Variants in GALNTL6 observed in about 807,000 individuals in gnomAD.
The protein encoded by GALNTL6 is polypeptide N-acetylgalactosaminyltransferase like 6.
In GALNTL6, 46 loss-of-function variants were observed where a neutral mutation model predicts 73.7. The ratio of observed to expected loss-of-function variants is 0.62; its 90% CI spans 0.49 to 0.80. GALNTL6 has a LOEUF of 0.80. Ranked by LOEUF, GALNTL6 falls within the 30% of genes least tolerant of loss-of-function variation. The pLI, the probability that GALNTL6 is intolerant of heterozygous loss-of-function variation, is 0.00. For synonymous variants in GALNTL6, 259 were observed against 263.7 expected (o/e 0.98, Z 0.17); for missense variants, 604 against 755.0 (o/e 0.80, Z 2.34).
rs563121190 is a variant in GALNTL6 at position 171,860,929 on chromosome 4, A to C, written c.138+46211A>C. On this transcript the variant is annotated intron_variant, in intron 2 of 12. Coordinates refer to ENST00000506823, the MANE Select transcript of GALNTL6 (RefSeq NM_001034845.3). ...TTCCAAAGTCTTCCAGAATAGAACA[A>C]CCTCTGATACCTCCTCCATTCAGCA... 5.3e-5 allele frequency among the ~76,000 whole-genome samples: 8 copies of C among 152,214 alleles called. No homozygotes were observed. The South Asian group carries it at 1.7e-3, about 32-fold the overall frequency.
rs75059893 is a variant in GALNTL6 at position 172,055,779 on chromosome 4, G to A, written c.139-173877G>A. ...TAGCTTTGACAACTTCTGAGTTAAC[G>A]TGGGCCAGTTATCAGGGTACTTCTT... On this transcript the variant is annotated intron_variant, in intron 2 of 12. Transcript: ENST00000506823. 1.7e-3 allele frequency among the ~76,000 whole-genome samples: 259 copies of A among 152,212 alleles called. 1 individual carries two copies. Among genetic ancestry groups the A allele is most frequent in the African/African-American group, 6.0e-3 (251 of 41,548 alleles).
intron 5 of GALNTL6, among the ~76,000 whole-genome samples, chr4:172,628,312 G>A (rs990486646): frequency 3.9e-5 from 6 of 151,952 alleles, no homozygotes; most frequent in African/African-American, 1.5e-4. Context: ...AATCTTTTTC[G>A]AAATGAGAAA....
At chr4:172,159,972 G>C (rs1734401357) in intron 2 of GALNTL6, among the ~76,000 whole-genome samples, 1 of 152,092 alleles carries the variant, frequency 6.6e-6, no homozygotes, top group Non-Finnish European at 1.5e-5. Flanking sequence ...CTTTGTGATG[G>C]ACTGGAGTTG....
At chr4:172,814,345 A>G (rs1741480833) in intron 7 of GALNTL6, among the ~76,000 whole-genome samples, 2 of 152,270 alleles carry the variant, frequency 1.3e-5, no homozygotes, top group South Asian at 4.1e-4. Context: ...ACCAAACGAC[A>G]TCCTGTTTTT....
intron 5 of GALNTL6, among the ~76,000 whole-genome samples, chr4:172,629,359 T>A (rs1337206305): frequency 6.6e-6 from 1 of 152,180 alleles, no homozygotes; most frequent in East Asian, 1.9e-4. Flanking sequence ...AGAACAAATT[T>A]TGTTAGTCTT....
chr4:171,850,368 T>C (rs887712100), intron 2 of GALNTL6, among the ~76,000 whole-genome samples: 1 of 152,184 alleles, frequency 6.6e-6, no homozygotes, highest in African/African-American at 2.4e-5. Context: ...TGGTCAGCGA[T>C]CTTAGGAGGA....
At chr4:172,740,045 C>G (rs1231846359) in intron 5 of GALNTL6, among the ~76,000 whole-genome samples, 2 of 151,936 alleles carry the variant, frequency 1.3e-5, no homozygotes, top group Non-Finnish European at 2.9e-5. Flanking sequence ...TCAAAACCCT[C>G]CTGGATCCAG....
intron 2 of GALNTL6, among the ~76,000 whole-genome samples, chr4:172,191,351 T>G (rs962903051): frequency 2.6e-5 from 4 of 152,300 alleles, no homozygotes; most frequent in African/African-American, 9.6e-5. Flanking sequence ...GTTCACATAA[T>G]TAAATATATC....
At chr4:172,502,982 C>T (rs777826150) in intron 5 of GALNTL6, among the ~76,000 whole-genome samples, 1 of 152,096 alleles carries the variant, frequency 6.6e-6, no homozygotes, top group African/African-American at 2.4e-5. Flanking sequence ...ACAGAAATCT[C>T]GGATAACGTT....
At chr4:172,006,719 G>C (rs947401904) in intron 2 of GALNTL6, among the ~76,000 whole-genome samples, 1 of 152,198 alleles carries the variant, frequency 6.6e-6, no homozygotes, top group East Asian at 1.9e-4. Context: ...TGACTCCACA[G>C]TTATTTAACC....
chr4:172,848,867 T>C (rs531010059), intron 7 of GALNTL6, among the ~76,000 whole-genome samples: 1 of 152,318 alleles, frequency 6.6e-6, no homozygotes, highest in African/African-American at 2.4e-5. Context: ...CAGAAGCTAC[T>C]GGAAGACTGA....
intron 3 of GALNTL6, among the ~76,000 whole-genome samples, chr4:172,281,616 C>G (rs1316655473): frequency 6.6e-6 from 1 of 152,118 alleles, no homozygotes; most frequent in African/African-American, 2.4e-5. Flanking sequence ...GAGACTGAGG[C>G]AGGAGAATCG....
At chr4:172,812,626 C>T (rs188092411) in intron 6 of GALNTL6, among the ~76,000 whole-genome samples, 1 of 151,922 alleles carries the variant, frequency 6.6e-6, no homozygotes, top group East Asian at 1.9e-4. Context: ...AAAAAAATCA[C>T]CTCTCTGCTA....
intron 11 of GALNTL6, among the ~76,000 whole-genome samples, chr4:173,010,114 T>C (rs1311359747): frequency 1.3e-5 from 2 of 152,190 alleles, no homozygotes; most frequent in Admixed American, 1.3e-4. Flanking sequence ...TTCTATTTTT[T>C]GTACCCATTT....
At chr4:172,597,376 C>A (rs1437659560) in intron 5 of GALNTL6, among the ~76,000 whole-genome samples, 1 of 152,138 alleles carries the variant, frequency 6.6e-6, no homozygotes, top group Non-Finnish European at 1.5e-5. Context: ...TTTGTTTTCT[C>A]TACACTTGGG....
intron 3 of GALNTL6, among the ~76,000 whole-genome samples, chr4:172,264,309 G>T (rs1459841515): frequency 1.3e-5 from 2 of 150,646 alleles, no homozygotes. Flanking sequence ...TGAGCCTGAT[G>T]TCTCATATGC....
chr4:172,066,139 ATGT>A (rs1031488612), intron 2 of GALNTL6, among the ~76,000 whole-genome samples: 2 of 152,138 alleles, frequency 1.3e-5, no homozygotes, highest in Non-Finnish European at 2.9e-5. Context: ...TTCACTCTTG[ATGT>A]TGTGCATTCT....
chr4:172,011,918 G>C (rs1051138869), intron 2 of GALNTL6, among the ~76,000 whole-genome samples: 4 of 152,188 alleles, frequency 2.6e-5, no homozygotes, highest in Non-Finnish European at 5.9e-5. Flanking sequence ...AATAGGGTGA[G>C]AAAGGTGACA....
At chr4:172,190,523 C>T (rs1735545062) in intron 2 of GALNTL6, among the ~76,000 whole-genome samples, 1 of 151,868 alleles carries the variant, frequency 6.6e-6, no homozygotes, top group Non-Finnish European at 1.5e-5. Context: ...GTAAGTTAAC[C>T]CAGCAGAGAG....
Sources: allele counts gnomAD v4.1 joint callset (sites outside exome capture counted in the v4.1 genomes callset), GRCh38; gene constraint gnomAD v4.1.1; transcripts MANE v1.5; gene names NCBI Gene and HGNC (gene_info 2026-07-23, HGNC 2026-07-21).